The following TCF7L1 variants were observed in gnomAD, a reference collection of about 807,000 sequenced individuals.
TCF7L1 encodes transcription factor 7-like 1.
Under a neutral mutation model 63.7 loss-of-function variants are expected in TCF7L1, and 18 were observed. The observed-to-expected ratio is 0.28, with a 90% CI of 0.20 to 0.42. TCF7L1 has a LOEUF of 0.42. Ranked by LOEUF, TCF7L1 falls within the 10% of genes least tolerant of loss-of-function variation. The pLI, the probability that TCF7L1 is intolerant of heterozygous loss-of-function variation, is 1.00. For synonymous variants in TCF7L1, 355 were observed against 340.9 expected (o/e 1.04, Z -0.46); for missense variants, 654 against 779.3 (o/e 0.84, Z 1.91).
At chr2:85,282,353 A>C (rs1681438023) in intron 3 of TCF7L1, among the ~76,000 whole-genome samples, 1 of 152,190 alleles carries the variant, frequency 6.6e-6, no homozygotes, top group Non-Finnish European at 1.5e-5. Context: ...TTCTCAAAGG[A>C]GTCTCAAGAA....
chr2:85,188,848 C>A (rs911432574), intron 3 of TCF7L1, among the ~76,000 whole-genome samples: 2 of 152,178 alleles, frequency 1.3e-5, no homozygotes, highest in African/African-American at 4.8e-5. Context: ...ACAGGCTTCT[C>A]TCCATGAATT....
In TCF7L1 at chr2:85,309,379, T is replaced by C; in HGVS notation, c.1684T>C (p.Phe562Leu). ...PTALLASPPSFPATLHAHQAL... is the reference protein window; with the variant it reads ...PTALLASPPSLPATLHAHQAL... ...AGCTCTGCTGGCCTCTCCCCCGTCC[T>C]TCCCCGCCACGCTCCATGCCCACCA... The change falls in exon 12 of 12, where the codon TTC (phenylalanine) becomes CTC (leucine). Residue 562 changes from phenylalanine (F) to leucine (L), a missense_variant. Phe to Leu is a conservative substitution (Grantham distance 22). Transcript: ENST00000282111. The C allele has an allele frequency of 6.2e-7, 1 of 1,601,602 alleles. No individual in the cohort carries two copies.
At chr2:85,190,371 G>C (rs1437102620) in intron 3 of TCF7L1, among the ~76,000 whole-genome samples, 1 of 152,194 alleles carries the variant, frequency 6.6e-6, no homozygotes, top group Non-Finnish European at 1.5e-5. Flanking sequence ...GAGTGCTGAT[G>C]GCCAGGGATC....
rs145775799 is a variant in TCF7L1 at position 85,207,838 on chromosome 2, T to C, written c.441+73388T>C. Among the ~76,000 whole-genome samples, 188 of 152,266 alleles carry C rather than the reference T, an allele frequency of 1.2e-3. 2 individuals carry two copies. The highest frequency in any genetic ancestry group is 4.1e-3 in the African/African-American group (171 of 41,564). On this transcript the variant is annotated intron_variant, in intron 3 of 11. Coordinates refer to ENST00000282111, the MANE Select transcript of TCF7L1 (RefSeq NM_031283.3). ...GTGTTTTTGCCCAACTGTAGGCTAA[T>C]GTAAGTATTCTGAGTGTAAGGTAGG...
intron 3 of TCF7L1, among the ~76,000 whole-genome samples, chr2:85,271,362 C>T (rs994291272): frequency 4.6e-5 from 7 of 152,204 alleles, no homozygotes; most frequent in African/African-American, 1.2e-4. Context: ...CCTCCTGCCT[C>T]GGCCTCCGAA....
chr2:85,157,939 T>C (rs1269712778), intron 3 of TCF7L1, among the ~76,000 whole-genome samples: 9 of 152,182 alleles, frequency 5.9e-5, no homozygotes, highest in African/African-American at 2.2e-4. Flanking sequence ...TTGTTCATCA[T>C]TTGTGCAGAT....
intron 3 of TCF7L1, among the ~76,000 whole-genome samples, chr2:85,162,244 A>T (rs1009228334): frequency 2.6e-5 from 4 of 152,124 alleles, no homozygotes; most frequent in African/African-American, 9.7e-5. Context: ...TCTCAAAAAA[A>T]ATAAATAAAT....
chr2:85,295,037 A>C (rs1010492206), intron 4 of TCF7L1, among the ~76,000 whole-genome samples: 1 of 152,044 alleles, frequency 6.6e-6, no homozygotes, highest in Non-Finnish European at 1.5e-5. Flanking sequence ...CTGAAAAAAA[A>C]AATTTTTTTA....
intron 3 of TCF7L1, among the ~76,000 whole-genome samples, chr2:85,201,738 G>A (rs977001234): frequency 5.9e-5 from 9 of 151,974 alleles, no homozygotes; most frequent in Non-Finnish European, 1.2e-4. Flanking sequence ...TGAGGGTTCC[G>A]GTTTCTCTAC....
At chr2:85,142,747 C>G (rs1050233259) in intron 3 of TCF7L1, among the ~76,000 whole-genome samples, 2 of 152,100 alleles carry the variant, frequency 1.3e-5, no homozygotes, top group Non-Finnish European at 2.9e-5. Flanking sequence ...CCTTGGTGTT[C>G]AGAAATGAAG....
chr2:85,285,733 C>G (rs1000057001), intron 4 of TCF7L1, among the ~76,000 whole-genome samples: 2 of 152,210 alleles, frequency 1.3e-5, no homozygotes, highest in African/African-American at 4.8e-5. Flanking sequence ...CACCTCCCCC[C>G]AGTGCAGCCA....
intron 3 of TCF7L1, among the ~76,000 whole-genome samples, chr2:85,219,770 A>G (rs1245563380): frequency 3.9e-5 from 6 of 152,220 alleles, no homozygotes; most frequent in Non-Finnish European, 4.4e-5. Context: ...ATGTAGTGCC[A>G]TTTATAAGAA....
rs111659715 is a variant in TCF7L1, at chr2:85,217,724, G to T, written c.442-65771G>T. Among the ~76,000 whole-genome samples, 17 of 152,272 alleles carry T rather than the reference G, an allele frequency of 1.1e-4. No homozygotes were observed. In the East Asian group the frequency reaches 2.1e-3, roughly 19 times the overall value. ...GTATCCCTTATCCAAAATGTTTGGG[G>T]CCAGAAGTGTTTCGCAGTTTTGGAA... On this transcript the variant is annotated intron_variant, in intron 3 of 11. Transcript: ENST00000282111.
chr2:85,296,490 G>C (rs144617317), intron 4 of TCF7L1, among the ~76,000 whole-genome samples: 143 of 152,264 alleles, frequency 9.4e-4, no homozygotes, highest in Non-Finnish European at 1.7e-3. Context: ...TCAACTGTTT[G>C]GATTAGGTGG....
chr2:85,259,188 G>A (rs1446580694), intron 3 of TCF7L1, among the ~76,000 whole-genome samples: 3 of 152,198 alleles, frequency 2.0e-5, no homozygotes, highest in African/African-American at 4.8e-5. Context: ...TGGAATGAGC[G>A]GCCGAGCCGC....
At chr2:85,299,298 C>T (rs1681905508) in intron 4 of TCF7L1, among the ~76,000 whole-genome samples, 3 of 151,984 alleles carry the variant, frequency 2.0e-5, no homozygotes, top group Non-Finnish European at 4.4e-5. Context: ...ACCTGTAATC[C>T]CAGCACTTTG....
At chr2:85,276,152 C>T (rs565546147) in intron 3 of TCF7L1, among the ~76,000 whole-genome samples, 6 of 152,248 alleles carry the variant, frequency 3.9e-5, no homozygotes, top group South Asian at 2.1e-4. Context: ...TTTCTCTTAC[C>T]GACTGCTGAA....
At chr2:85,214,256 C>T (rs1405139034) in intron 3 of TCF7L1, among the ~76,000 whole-genome samples, 2 of 152,180 alleles carry the variant, frequency 1.3e-5, no homozygotes, top group Non-Finnish European at 2.9e-5. Context: ...CTTGTTACTA[C>T]CAGATTCGAT....
At chr2:85,146,484 C>A (rs1193467586) in intron 3 of TCF7L1, among the ~76,000 whole-genome samples, 1 of 141,200 alleles carries the variant, frequency 7.1e-6, no homozygotes. Flanking sequence ...CATTTCTTTT[C>A]TTTTCTTTCT....
Sources: gnomAD v4.1 joint callset for allele counts (sites outside exome capture counted in the v4.1 genomes callset) on GRCh38, gnomAD v4.1.1 for gene constraint, MANE v1.5 for transcripts, NCBI Gene and HGNC (gene_info 2026-07-23, HGNC 2026-07-21) for gene names.